PDE10A: variants seen among roughly 807,000 people sequenced by gnomAD.
PDE10A encodes cAMP and cAMP-inhibited cGMP 3',5'-cyclic phosphodiesterase 10A.
A neutral mutation model predicts 97.7 loss-of-function variants in PDE10A; 39 were observed. The observed-to-expected ratio is 0.40, with a 90% CI of 0.31 to 0.52. The LOEUF (loss-of-function observed/expected upper bound fraction) is 0.52. Ranked by LOEUF, PDE10A falls within the 20% of genes least tolerant of loss-of-function variation. The pLI is 0.56. For missense variants in PDE10A, 731 were observed against 1,047.8 expected (o/e 0.70, Z 4.17); for synonymous variants, 371 against 376.8 (o/e 0.98, Z 0.18).
At chr6:165,749,846 A>C (rs899468902) in intron 1 of PDE10A, among the ~76,000 whole-genome samples, 1 of 152,230 alleles carries the variant, frequency 6.6e-6, no homozygotes, top group African/African-American at 2.4e-5. Flanking sequence ...ATTCTGTCTT[A>C]TTCTTTCCTT....
chr6:165,592,602 C>T (rs932670800), intron 1 of PDE10A, among the ~76,000 whole-genome samples: 14 of 151,918 alleles, frequency 9.2e-5, no homozygotes, highest in African/African-American at 2.4e-4. Flanking sequence ...AACAAATTTA[C>T]GAGAAAAAAA....
intron 1 of PDE10A, among the ~76,000 whole-genome samples, chr6:165,900,094 A>G (rs1782062414): frequency 6.6e-6 from 1 of 152,234 alleles, no homozygotes; most frequent in Non-Finnish European, 1.5e-5. Context: ...TGTGAGGGTG[A>G]TGGGGGCTGA....
chr6:165,754,833 T>A (rs1793081869), intron 1 of PDE10A, among the ~76,000 whole-genome samples: 1 of 152,190 alleles, frequency 6.6e-6, no homozygotes, highest in Non-Finnish European at 1.5e-5. Context: ...CAGCTGATGA[T>A]CCTTTCGGGG....
chr6:165,884,153 G>A (rs77129577), intron 1 of PDE10A, among the ~76,000 whole-genome samples: 2 of 152,288 alleles, frequency 1.3e-5, no homozygotes, highest in Non-Finnish European at 2.9e-5. Flanking sequence ...ATCGGGGACC[G>A]AAGGAAGAGC....
rs1341813865 is a variant in PDE10A at position 165,577,792 on chromosome 6, CTA to C, written c.866-34226_866-34225del. On this transcript the variant is annotated intron_variant, in intron 1 of 21. Coordinates refer to ENST00000539869, the MANE Select transcript of PDE10A (RefSeq NM_001385079.1). ...CACTTCTGATGACATCATGCCCACC[CTA>C]GAAACGCCATCCGCCCGCTTCCGGC... 2.6e-5 allele frequency among the ~76,000 whole-genome samples: 4 copies of C among 152,186 alleles called. No individual in the cohort carries two copies. The East Asian group carries it at 7.7e-4, about 29-fold the overall frequency.
intron 21 of PDE10A, among the ~76,000 whole-genome samples, chr6:165,335,114 T>C (rs541386557): frequency 8.1e-4 from 123 of 152,332 alleles, no homozygotes; most frequent in Non-Finnish European, 1.1e-3. Context: ...AGGGAATTTA[T>C]AAAGTAAAAT....
intron 1 of PDE10A, among the ~76,000 whole-genome samples, chr6:165,973,749 A>G (rs907004934): frequency 6.6e-6 from 1 of 152,244 alleles, no homozygotes; most frequent in Non-Finnish European, 1.5e-5. Context: ...ATATCCAGAC[A>G]GATGTGAAAT....
In PDE10A at chr6:165,671,020, C is replaced by T. The variant is rs754000321; in HGVS notation, c.-614-127452G>A. Among the ~76,000 whole-genome samples, 2 of 152,154 alleles carry T rather than the reference C, an allele frequency of 1.3e-5. No homozygotes were observed. Among genetic ancestry groups the T allele is most frequent in the Non-Finnish European group, 2.9e-5 (2 of 68,032 alleles). On this transcript the variant is annotated intron_variant, in intron 1 of 19. Coordinates refer to the PDE10A transcript ENST00000366882. The surrounding 1 kb of genome is among the most constrained non-coding windows in gnomAD (Gnocchi z 4.6). ...TAACAAATGGCACTTTATACGTCTA[C>T]AGACTAGGGTTATCTGACCCATCTT...
At chr6:165,774,376 T>C (rs1427871996) in intron 1 of PDE10A, among the ~76,000 whole-genome samples, 2 of 151,322 alleles carry the variant, frequency 1.3e-5, no homozygotes, top group African/African-American at 4.8e-5. Context: ...GAAATCAATA[T>C]GTATTTTATG....
intron 1 of PDE10A, among the ~76,000 whole-genome samples, chr6:165,748,808 T>TTG (rs71029562): frequency 0.17 from 24,921 of 147,572 alleles, 4,562 homozygotes; most frequent in African/African-American, 0.47. Flanking sequence ...AGAAAGAAGT[T>TTG]TGTGTGTGTG....
intron 1 of PDE10A, among the ~76,000 whole-genome samples, chr6:165,916,001 C>T (rs922223816): frequency 1.4e-4 from 21 of 152,168 alleles, no homozygotes; most frequent in African/African-American, 4.8e-4. Context: ...ATACTAACTT[C>T]GGCCATGTCA....
chr6:165,916,674 G>A (rs1020043292), intron 1 of PDE10A, among the ~76,000 whole-genome samples: 1 of 152,202 alleles, frequency 6.6e-6, no homozygotes, highest in East Asian at 1.9e-4. Flanking sequence ...TTGATTGATT[G>A]TGCTGCTGCA....
At chr6:165,818,079 C>G (rs183264343) in intron 1 of PDE10A, among the ~76,000 whole-genome samples, 1 of 152,140 alleles carries the variant, frequency 6.6e-6, no homozygotes, top group Non-Finnish European at 1.5e-5. Flanking sequence ...GTAGACAGAA[C>G]GCTCAATTGT....
intron 1 of PDE10A, among the ~76,000 whole-genome samples, chr6:165,599,525 G>A (rs965480431): frequency 1.3e-5 from 2 of 152,154 alleles, no homozygotes; most frequent in African/African-American, 4.8e-5. Context: ...AGTCACTGTT[G>A]CCATCACTTA....
chr6:165,757,595 T>C (rs1793146041), intron 1 of PDE10A, among the ~76,000 whole-genome samples: 1 of 152,196 alleles, frequency 6.6e-6, no homozygotes, highest in Non-Finnish European at 1.5e-5. Flanking sequence ...TAGATGACAC[T>C]AATATGCATT....
chr6:165,500,228 TC>T (rs1242388154), intron 2 of PDE10A, among the ~76,000 whole-genome samples: 1 of 146,288 alleles, frequency 6.8e-6, no homozygotes, highest in Non-Finnish European at 1.5e-5. Flanking sequence ...TTATTCTGTA[TC>T]CAATATAGAT....
At position 165,347,111 on chromosome 6, in the gene PDE10A, GCTTTTAAA is replaced by G. The variant is rs1782365436; in HGVS notation, c.2784-3617_2784-3610del. Among the ~76,000 whole-genome samples the G allele has an allele frequency of 2.0e-5, 3 of 146,926 alleles. No individual in the cohort carries two copies. In the South Asian group the frequency reaches 6.6e-4, roughly 32 times the overall value. ...ACCTTAATGCTTTTTTTTTTATCTT[GCTTTTAAA>G]CTCATTTTCAAGGGATTTTAAATCA... On this transcript the variant is annotated intron_variant, in intron 18 of 21. Coordinates refer to ENST00000539869, the MANE Select transcript of PDE10A (RefSeq NM_001385079.1).
intron 1 of PDE10A, among the ~76,000 whole-genome samples, chr6:165,831,501 G>A (rs1478249665): frequency 2.8e-5 from 3 of 108,406 alleles, no homozygotes; most frequent in South Asian, 3.0e-4. Flanking sequence ...TATTTGAGAC[G>A]GAGTCTCGCT....
chr6:165,416,103 A>T, intron 12 of PDE10A, 86 bp downstream of exon 12: 1 of 849,726 alleles, frequency 1.2e-6, no homozygotes, highest in East Asian at 2.4e-5. Context: ...TGGGACGTGG[A>T]GAACTCAGGC....
Sources: gnomAD v4.1 joint callset for allele counts (sites outside exome capture counted in the v4.1 genomes callset) on GRCh38, gnomAD v4.1.1 for gene constraint, Gnocchi (gnomAD v3.1) non-coding constraint, MANE v1.5 for transcripts, NCBI Gene and HGNC (gene_info 2026-07-23, HGNC 2026-07-21) for gene names.